SV2C: variants seen among roughly 807,000 people sequenced by gnomAD.
SV2C encodes synaptic vesicle glycoprotein 2C.
In SV2C, 49 loss-of-function variants were observed where a neutral mutation model predicts 79.7. That is an observed-to-expected ratio of 0.61 (90% CI 0.49 to 0.78). The LOEUF is 0.78. Ranked by LOEUF, SV2C falls within the 30% of genes least tolerant of loss-of-function variation. The probability of loss-of-function intolerance (pLI) is 0.00; values close to 1 mark genes in which losing one functional copy is unlikely to be tolerated. For missense variants in SV2C, 833 were observed against 912.9 expected, an observed-to-expected ratio of 0.91 and a Z score of 1.13; for synonymous variants, 334 against 333.2, an observed-to-expected ratio of 1.00 and a Z score of -0.03.
chr5:75,884,566 G>A, the SV2C span, among the ~76,000 whole-genome samples: 5 of 151,972 alleles, frequency 3.3e-5, no homozygotes, highest in Non-Finnish European at 2.9e-5. Context: ...ATGTAAAACT[G>A]GGTTGATACA....
chr5:75,892,513 G>A, the SV2C span, among the ~76,000 whole-genome samples: 2 of 151,962 alleles, frequency 1.3e-5, no homozygotes, highest in South Asian at 4.1e-4. Context: ...GAGGTTTGGG[G>A]TACGATTAAA....
the SV2C span, among the ~76,000 whole-genome samples, chr5:76,063,819 G>C: frequency 6.6e-6 from 1 of 152,014 alleles, no homozygotes; most frequent in Non-Finnish European, 1.5e-5. Flanking sequence ...CAAGAAACTT[G>C]CATTTTATTC....
chr5:76,206,926 C>A (rs1351296313), intron 3 of SV2C, among the ~76,000 whole-genome samples: 1 of 152,166 alleles, frequency 6.6e-6, no homozygotes, highest in Non-Finnish European at 1.5e-5. Flanking sequence ...TAGAAGCCTT[C>A]TCTAATTCTT....
chr5:75,963,060 G>C, the SV2C span, among the ~76,000 whole-genome samples: 1 of 152,084 alleles, frequency 6.6e-6, no homozygotes, highest in Non-Finnish European at 1.5e-5. Context: ...AAATGCAGTG[G>C]AGACTTGAGG....
At chr5:76,194,396 C>G (rs1402598913) in intron 2 of SV2C, among the ~76,000 whole-genome samples, 5 of 152,198 alleles carry the variant, frequency 3.3e-5, no homozygotes, top group Non-Finnish European at 7.3e-5. Flanking sequence ...ATAGGCATTT[C>G]CCTGGGTCAA....
rs369974472 is a variant in SV2C, at chr5:76,301,533, C to T, written c.1988C>T (p.Pro663Leu). Residue 663 changes from proline (P) to leucine (L), a missense_variant, in exon 12 of 13, where the codon CCC becomes CTC. Physicochemically the swap from Pro to Leu is moderately conservative, Grantham distance 98. Coordinates refer to ENST00000502798, the MANE Select transcript of SV2C (RefSeq NM_014979.4). Reference protein sequence around the residue: ...SLDVVTVELYPTDRRATGFGF... With the variant: ...SLDVVTVELYLTDRRATGFGF... ...GACGTGGTCACTGTGGAACTGTACC[C>T]CACAGACCGGAGGTATGTTGAAATG... is the stretch of plus-strand genomic sequence containing the variant. 6.2e-7 allele frequency: 1 copy of T among 1,613,360 alleles called. No individual in the cohort carries two copies. Among genetic ancestry groups the T allele is most frequent in the Non-Finnish European group, 8.5e-7 (1 of 1,179,608 alleles).
At chr5:76,156,751 G>A (rs559974405) in intron 2 of SV2C, among the ~76,000 whole-genome samples, 1 of 152,094 alleles carries the variant, frequency 6.6e-6, no homozygotes, top group African/African-American at 2.4e-5. Flanking sequence ...GAACATTTTG[G>A]AATTGTAAAG....
chr5:76,039,090 A>G, the SV2C span, among the ~76,000 whole-genome samples: 4 of 152,370 alleles, frequency 2.6e-5, no homozygotes, highest in East Asian at 5.8e-4. Flanking sequence ...TCAGCAGAAG[A>G]AATGGACACA....
chr5:76,026,455 G>A, the SV2C span, among the ~76,000 whole-genome samples: 1 of 152,068 alleles, frequency 6.6e-6, no homozygotes, highest in Non-Finnish European at 1.5e-5. Flanking sequence ...TTACCCTCTG[G>A]AGGCTCACAG....
intron 2 of SV2C, among the ~76,000 whole-genome samples, chr5:76,161,601 G>A (rs1742899933): frequency 1.3e-5 from 2 of 152,032 alleles, no homozygotes; most frequent in South Asian, 4.2e-4. Flanking sequence ...TCCCAAAATG[G>A]TAGGATTACA....
the SV2C span, among the ~76,000 whole-genome samples, chr5:76,015,362 C>A: frequency 1.3e-4 from 20 of 152,256 alleles, no homozygotes; most frequent in East Asian, 3.9e-3. Context: ...GACTTAACTG[C>A]CTACCTTAGC....
rs370857452 is a variant in SV2C, at chr5:76,131,857, G to A, written c.107G>A (p.Arg36Gln). 3.6e-4 allele frequency: 584 copies of A among 1,614,032 alleles called. 5 individuals carry two copies. The South Asian group carries it at 4.8e-3, about 13-fold the overall frequency. The change falls in exon 2 of 13, where the codon CGA (arginine) becomes CAA (glutamine). Residue 36 changes from arginine (R) to glutamine (Q), a missense_variant. Arg to Gln is a conservative substitution (Grantham distance 43, BLOSUM62 1). Transcript: ENST00000502798. ...TVKKVNQAVDRAQDEYTQRSY... is the reference protein window; with the variant it reads ...TVKKVNQAVDQAQDEYTQRSY... Reference sequence around the variant, plus strand: ...AAGAAGGTGAATCAAGCTGTGGACCGAGCCCAGGATGAATACACCCAGAGG... The same window carrying A: ...AAGAAGGTGAATCAAGCTGTGGACCAAGCCCAGGATGAATACACCCAGAGG...
At chr5:76,099,182 T>G (rs1747658881) in intron 1 of SV2C, among the ~76,000 whole-genome samples, 1 of 152,162 alleles carries the variant, frequency 6.6e-6, no homozygotes, top group East Asian at 1.9e-4. Flanking sequence ...ATCTGCTGGC[T>G]TAGAATTTTT....
intron 2 of SV2C, among the ~76,000 whole-genome samples, chr5:76,165,482 T>A (rs1349213958): frequency 6.6e-6 from 1 of 152,182 alleles, no homozygotes; most frequent in Non-Finnish European, 1.5e-5. Context: ...CTCCTTCATG[T>A]TACTCCTTCA....
At chr5:76,231,917 T>C (rs1745434858) in intron 4 of SV2C, among the ~76,000 whole-genome samples, 1 of 144,524 alleles carries the variant, frequency 6.9e-6, no homozygotes, top group Admixed American at 6.6e-5. Flanking sequence ...TGTGTCTTTA[T>C]AGCAGCATGA....
the SV2C span, among the ~76,000 whole-genome samples, chr5:75,872,872 C>A: frequency 2.6e-5 from 4 of 151,768 alleles, no homozygotes; most frequent in South Asian, 2.1e-4. Flanking sequence ...AACAAACCTG[C>A]ATGTTGTGCA....
the SV2C span, among the ~76,000 whole-genome samples, chr5:75,853,556 A>T: frequency 8.6e-6 from 1 of 116,010 alleles, no homozygotes; most frequent in African/African-American, 4.8e-5. Flanking sequence ...ACTCCTTCTC[A>T]AAAAAAAAAA....
At chr5:76,156,244 A>C (rs1389173110) in intron 2 of SV2C, among the ~76,000 whole-genome samples, 2 of 152,192 alleles carry the variant, frequency 1.3e-5, no homozygotes, top group Non-Finnish European at 2.9e-5. Context: ...AGAGATAGTG[A>C]AACAGAATCT....
intron 6 of SV2C, among the ~76,000 whole-genome samples, chr5:76,287,766 A>ATCTT (rs1747400673): frequency 1.3e-5 from 2 of 152,208 alleles, no homozygotes; most frequent in Admixed American, 6.5e-5. Flanking sequence ...ATTGTTTAAA[A>ATCTT]TCTTTCAATA....
Sources: gnomAD v4.1 joint callset for allele counts (sites outside exome capture counted in the v4.1 genomes callset) on GRCh38, gnomAD v4.1.1 for gene constraint, MANE v1.5 for transcripts, NCBI Gene and HGNC (gene_info 2026-07-23, HGNC 2026-07-21) for gene names.